The following ROCK1 variants were observed in gnomAD, a reference collection of about 807,000 sequenced individuals.
ROCK1 encodes the protein Rho associated coiled-coil containing protein kinase 1, also known as rho-associated protein kinase 1.
ROCK1 carries 36 observed loss-of-function variants against 196.8 expected under a neutral mutation model. The observed-to-expected ratio is 0.18, with a 90% CI of 0.14 to 0.24. The LOEUF is 0.24. ROCK1 is among the 10% of genes least tolerant of loss of function. ROCK1 has a pLI of 1.00. For missense variants in ROCK1, 920 were observed against 1,562.0 expected (o/e 0.59, Z 6.93); for synonymous variants, 443 against 515.9 (o/e 0.86, Z 1.91).
chr18:21,050,181 T>C (rs1176060552), intron 2 of ROCK1, among the ~76,000 whole-genome samples: 1 of 152,100 alleles, frequency 6.6e-6, no homozygotes, highest in Non-Finnish European at 1.5e-5. Flanking sequence ...TGAAAATAAT[T>C]AGCTAATTAG....
At chr18:21,104,577 GA>G (rs1240149718) in intron 1 of ROCK1, among the ~76,000 whole-genome samples, 3 of 151,462 alleles carry the variant, frequency 2.0e-5, no homozygotes, top group Non-Finnish European at 2.9e-5. Flanking sequence ...GGACTGGGCG[GA>G]AAAAAAACAT....
chr18:21,094,486 T>C (rs965356216), intron 1 of ROCK1, among the ~76,000 whole-genome samples: 41 of 152,000 alleles, frequency 2.7e-4, no homozygotes, highest in Admixed American at 2.1e-3. Context: ...ACGTCTATCA[T>C]GCCTATAATC....
At chr18:21,104,076 C>T (rs1375914892) in intron 1 of ROCK1, among the ~76,000 whole-genome samples, 1 of 152,112 alleles carries the variant, frequency 6.6e-6, no homozygotes, top group Non-Finnish European at 1.5e-5. Context: ...AGAAGTAGAG[C>T]TATTGGATTA....
intron 23 of ROCK1, 25 bp from the exon 24 acceptor site, chr18:20,969,233 A>T (rs1329673193): frequency 7.1e-7 from 1 of 1,415,486 alleles, no homozygotes; most frequent in Admixed American, 1.7e-5. Flanking sequence ...CAAAAGTTTA[A>T]GCTCCAGCCT....
intron 16 of ROCK1, among the ~76,000 whole-genome samples, chr18:20,994,953 C>A (rs1255010677): frequency 6.6e-6 from 1 of 152,114 alleles, no homozygotes; most frequent in Non-Finnish European, 1.5e-5. Flanking sequence ...ATATTATCTT[C>A]ATAATCTAGT....
intron 6 of ROCK1, among the ~76,000 whole-genome samples, chr18:21,043,577 TATATGTATATACATATACATA>T (rs1419852487): frequency 1.1e-4 from 16 of 144,384 alleles, no homozygotes; most frequent in East Asian, 3.9e-4. Flanking sequence ...ATACATAATG[TATATGTATATACATATACATA>T]ATATGTATAT....
chr18:20,953,369 G>T (rs1359883700), intron 32 of ROCK1: 15 of 411,452 alleles, frequency 3.6e-5, no homozygotes, highest in Admixed American at 8.5e-5. Flanking sequence ...ATTAGACACA[G>T]AACTAAATAA....
At chr18:21,100,586 TAA>T (rs751539363) in intron 1 of ROCK1, among the ~76,000 whole-genome samples, 4 of 139,634 alleles carry the variant, frequency 2.9e-5, no homozygotes, top group Non-Finnish European at 3.1e-5. Flanking sequence ...GCCAAAAATT[TAA>T]AAAAAAAAAA....
At chr18:21,088,180 A>G (rs985975484) in intron 1 of ROCK1, among the ~76,000 whole-genome samples, 1 of 152,246 alleles carries the variant, frequency 6.6e-6, no homozygotes, top group Admixed American at 6.5e-5. Context: ...AGAAAAATGT[A>G]TAGCATTAAA....
In ROCK1 at chr18:20,950,207, C is replaced by T. The variant is rs1193966261; in HGVS notation, c.*1177G>A. 1 of 152,470 alleles carries T rather than the reference C, an allele frequency of 6.6e-6. No individual in the cohort carries two copies. The highest frequency in any genetic ancestry group is 1.9e-4 in the East Asian group (1 of 5,202). 9.4% of individuals were successfully genotyped at this position (152,470 alleles called of 1,614,324 possible). ...ACTGGAAAACATCATGGATGTATTG[C>T]CATATTTCCTTTTTATGTTGGTGCA... On this transcript the variant is annotated 3_prime_UTR_variant, in exon 33 of 33. Coordinates refer to ENST00000399799, the MANE Select transcript of ROCK1 (RefSeq NM_005406.3).
At chr18:21,090,777 G>A (rs959914755) in intron 1 of ROCK1, among the ~76,000 whole-genome samples, 22 of 152,004 alleles carry the variant, frequency 1.4e-4, no homozygotes, top group African/African-American at 4.8e-4. Flanking sequence ...TGCCAAGCAG[G>A]GCTCTAAGAA....
At chr18:20,977,036 A>G (rs557228338) in intron 22 of ROCK1, among the ~76,000 whole-genome samples, 49 of 152,198 alleles carry the variant, frequency 3.2e-4, no homozygotes, top group African/African-American at 1.2e-3. Context: ...AACTTCCACT[A>G]TAATTTTACA....
At chr18:20,958,542 T>C (rs1201960675) in intron 29 of ROCK1, among the ~76,000 whole-genome samples, 1 of 151,986 alleles carries the variant, frequency 6.6e-6, no homozygotes, top group Non-Finnish European at 1.5e-5. Context: ...AAATACTATA[T>C]TATAGGCCTC....
chr18:20,984,158 G>C (rs1246614598), intron 20 of ROCK1, among the ~76,000 whole-genome samples, 193 bp downstream of exon 20: 1 of 152,096 alleles, frequency 6.6e-6, no homozygotes, highest in African/African-American at 2.4e-5. Context: ...AATCAGATGA[G>C]AAAACTGTGG....
At chr18:20,969,679 T>A (rs766227792) in intron 23 of ROCK1, among the ~76,000 whole-genome samples, 12 of 152,180 alleles carry the variant, frequency 7.9e-5, no homozygotes, top group Admixed American at 3.3e-4. Context: ...TCTACTGTCT[T>A]ATTTAATCCT....
chr18:21,073,450 A>G (rs1256553474), intron 1 of ROCK1, among the ~76,000 whole-genome samples: 3 of 152,184 alleles, frequency 2.0e-5, no homozygotes, highest in Non-Finnish European at 4.4e-5. Flanking sequence ...ATTATTCAAC[A>G]CTACTACAAA....
At chr18:21,067,500 G>A (rs1318861194) in intron 2 of ROCK1, among the ~76,000 whole-genome samples, 1 of 148,340 alleles carries the variant, frequency 6.7e-6, no homozygotes. Context: ...AATTCTCCTT[G>A]CCTCAGCCTC....
At chr18:21,042,818 AATATC>A in intron 6 of ROCK1, 109 bp from the exon 7 acceptor site, 5 of 1,061,874 alleles carry the variant, frequency 4.7e-6, no homozygotes, top group Non-Finnish European at 5.4e-6. Context: ...TGAGCTATAA[AATATC>A]ATATATTAAA....
At chr18:21,039,655 T>C in intron 8 of ROCK1, 92 bp from the exon 9 acceptor site, 3 of 840,646 alleles carry the variant, frequency 3.6e-6, no homozygotes, top group Admixed American at 2.0e-5. Context: ...ATTAAATCAG[T>C]GTAGGACGAC....
Sources: gnomAD v4.1 joint callset for allele counts (sites outside exome capture counted in the v4.1 genomes callset) on GRCh38, gnomAD v4.1.1 for gene constraint, MANE v1.5 for transcripts, NCBI Gene and HGNC (gene_info 2026-07-23, HGNC 2026-07-21) for gene names.